Variants in NCOA1 observed in about 807,000 individuals in gnomAD.
NCOA1 encodes Hin-2 protein.
NCOA1 carries 35 observed loss-of-function variants against 150.9 expected under a neutral mutation model. The observed-to-expected ratio is 0.23, with a 90% CI of 0.18 to 0.31. NCOA1 has a LOEUF of 0.31. Among genes scored for constraint, NCOA1 ranks in the 10% least tolerant of loss-of-function variants. The pLI, the probability that NCOA1 is intolerant of heterozygous loss-of-function variation, is 1.00. For missense variants in NCOA1, 1,491 were observed against 1,749.3 expected, an observed-to-expected ratio of 0.85 and a Z score of 2.63; for synonymous variants, 590 against 630.0, an observed-to-expected ratio of 0.94 and a Z score of 0.95.
At chr2:24,593,099 GTTTA>G (rs1667727354) in intron 3 of NCOA1, among the ~76,000 whole-genome samples, 2 of 152,172 alleles carry the variant, frequency 1.3e-5, no homozygotes, top group South Asian at 2.1e-4. Context: ...GGTACCAGGA[GTTTA>G]TTTGTCAGGA....
At chr2:24,506,421 A>T (rs1232743191) in intron 1 of NCOA1, among the ~76,000 whole-genome samples, 9 of 152,128 alleles carry the variant, frequency 5.9e-5, no homozygotes, top group African/African-American at 2.2e-4. Context: ...GAATGCTGGG[A>T]AACTCTTGCT....
intron 14 of NCOA1, among the ~76,000 whole-genome samples, chr2:24,714,761 G>T (rs1197077245): frequency 6.6e-6 from 1 of 151,868 alleles, no homozygotes; most frequent in South Asian, 2.1e-4. Flanking sequence ...GGAAGAAGGG[G>T]GAGCAGGTGA....
chr2:24,766,844 G>A (rs1665089798), intron 22 of NCOA1, among the ~76,000 whole-genome samples: 1 of 152,166 alleles, frequency 6.6e-6, no homozygotes, highest in South Asian at 2.1e-4. Context: ...AGCAGACTGG[G>A]CGCGTTGGTG....
chr2:24,557,911 A>C (rs1333377283), intron 1 of NCOA1, among the ~76,000 whole-genome samples: 2 of 151,448 alleles, frequency 1.3e-5, no homozygotes, highest in Non-Finnish European at 1.5e-5. Context: ...TTTGACTATG[A>C]TATATCCATG....
chr2:24,620,925 G>A (rs1204426323), intron 3 of NCOA1, among the ~76,000 whole-genome samples: 2 of 152,126 alleles, frequency 1.3e-5, no homozygotes, highest in Non-Finnish European at 2.9e-5. Flanking sequence ...CAAAATTTAA[G>A]CTAATTAGGG....
intron 5 of NCOA1, among the ~76,000 whole-genome samples, chr2:24,663,809 G>A (rs2148501766): frequency 6.6e-6 from 1 of 152,158 alleles, no homozygotes; most frequent in Non-Finnish European, 1.5e-5. Flanking sequence ...ATTACTTTTA[G>A]CTTCTTGCTT....
At chr2:24,596,547 G>T (rs1465763923) in intron 3 of NCOA1, among the ~76,000 whole-genome samples, 1 of 152,054 alleles carries the variant, frequency 6.6e-6, no homozygotes, top group Non-Finnish European at 1.5e-5. Flanking sequence ...ATTTGATAAA[G>T]ATTTGACTGT....
intron 14 of NCOA1, among the ~76,000 whole-genome samples, chr2:24,722,067 C>T (rs957007812): frequency 3.3e-5 from 5 of 152,002 alleles, no homozygotes; most frequent in Non-Finnish European, 7.4e-5. Context: ...TCCTTGGGTT[C>T]GTTTACAAAT....
chr2:24,576,149 G>GTTTTTTTTTTTTTTTTTTTTTTTTTT lies in NCOA1; in HGVS notation c.-259-8314_-259-8313insTTTTTTTTTTTTTTTTTTTTTTTTTT, dbSNP rs1183405187. Reference sequence around the variant, plus strand: ...GAGTTTCAGAAATTATTTGGCCTTTGTTTTTTTTTTTTTGTTTTTTGTTTT... The same window carrying GTTTTTTTTTTTTTTTTTTTTTTTTTT: ...GAGTTTCAGAAATTATTTGGCCTTTGTTTTTTTTTTTTTTTTTTTTTTTTTTTTTTTTTTTTTTTGTTTTTTGTTTT... On this transcript the variant is annotated intron_variant, in intron 2 of 22. Transcript: ENST00000348332. Among the ~76,000 whole-genome samples the GTTTTTTTTTTTTTTTTTTTTTTTTTT allele has an allele frequency of 2.6e-4, 24 of 94,006 alleles. 3 individuals are homozygous for GTTTTTTTTTTTTTTTTTTTTTTTTTT. The highest frequency in any genetic ancestry group is 5.7e-4 in the East Asian group (2 of 3,530). 61.7% of individuals were successfully genotyped at this position (94,006 alleles called of 152,430 possible).
chr2:24,543,134 G>GCCC (rs1361416869), intron 1 of NCOA1, among the ~76,000 whole-genome samples: 3 of 152,146 alleles, frequency 2.0e-5, no homozygotes, highest in Non-Finnish European at 4.4e-5. Context: ...CAGGAGCTTA[G>GCCC]TGCTCCATCT....
intron 3 of NCOA1, among the ~76,000 whole-genome samples, chr2:24,637,859 C>G (rs1047341031): frequency 6.6e-6 from 1 of 152,068 alleles, no homozygotes; most frequent in Admixed American, 6.6e-5. Flanking sequence ...CCATGTCCGG[C>G]TAATTTTGTA....
At chr2:24,562,652 A>G (rs570525134) in intron 1 of NCOA1, among the ~76,000 whole-genome samples, 1 of 152,318 alleles carries the variant, frequency 6.6e-6, no homozygotes, top group Admixed American at 6.5e-5. Flanking sequence ...CTGAATTTTG[A>G]GACCATAATT....
At chr2:24,722,924 G>A (rs1054560706) in intron 14 of NCOA1, among the ~76,000 whole-genome samples, 1 of 149,122 alleles carries the variant, frequency 6.7e-6, no homozygotes, top group East Asian at 2.0e-4. Flanking sequence ...CAAGGAGGTG[G>A]AGGTTGCAGT....
chr2:24,767,156 A>C (rs527769474), intron 22 of NCOA1, among the ~76,000 whole-genome samples: 9 of 152,210 alleles, frequency 5.9e-5, no homozygotes, highest in Non-Finnish European at 1.3e-4. Flanking sequence ...AGGTTGATGG[A>C]AAACAACTTT....
At chr2:24,692,674 A>G (rs1398163631) in intron 9 of NCOA1, among the ~76,000 whole-genome samples, 1 of 152,188 alleles carries the variant, frequency 6.6e-6, no homozygotes, top group East Asian at 1.9e-4. Flanking sequence ...GTTATCATCC[A>G]GTACATGAGA....
chr2:24,552,337 ATATATATATATATATATTTTTTTTTT>A (rs1665869660), intron 1 of NCOA1, among the ~76,000 whole-genome samples: 3 of 14,246 alleles, frequency 2.1e-4, no homozygotes, highest in African/African-American at 6.7e-4. Context: ...ATATATATAT[ATATATATATATATATATTTTTTTTTT>A]TTTTTTTTTT....
At chr2:24,728,513 C>G (rs1352285632) in intron 16 of NCOA1, 37 bp downstream of exon 16, 1 of 1,543,500 alleles carries the variant, frequency 6.5e-7, no homozygotes, top group South Asian at 1.2e-5. Context: ...ACTGATGGAG[C>G]CCTAAGAAGC....
intron 2 of NCOA1, among the ~76,000 whole-genome samples, chr2:24,576,163 GTTTTTTGTTTTT>G (rs1301986959): frequency 2.0e-4 from 19 of 92,710 alleles, no homozygotes; most frequent in African/African-American, 6.5e-4. Context: ...TTTTTTTTTT[GTTTTTTGTTTTT>G]TTTTTTTTTT....
At chr2:24,521,920 A>C (rs552146407) in intron 1 of NCOA1, among the ~76,000 whole-genome samples, 1 of 152,214 alleles carries the variant, frequency 6.6e-6, no homozygotes, top group South Asian at 2.1e-4. Context: ...GGTAATTGCC[A>C]TTCTGTCAGC....
Sources: allele counts gnomAD v4.1 joint callset (sites outside exome capture counted in the v4.1 genomes callset), GRCh38; gene constraint gnomAD v4.1.1; transcripts MANE v1.5; gene names NCBI Gene and HGNC (gene_info 2026-07-23, HGNC 2026-07-21).